CLK4: variants seen among roughly 807,000 people sequenced by gnomAD.
CLK4 encodes the protein CDC like kinase 4.
In CLK4, 37 loss-of-function variants were observed where a neutral mutation model predicts 64.4. The observed-to-expected ratio is 0.57, with a 90% confidence interval of 0.44 to 0.76. CLK4 has a LOEUF of 0.76. Among genes scored for constraint, CLK4 ranks in the 30% least tolerant of loss-of-function variants. The pLI is 0.00. For missense variants in CLK4, 457 were observed against 605.1 expected (o/e 0.76, Z 2.57); for synonymous variants, 175 against 191.6 (o/e 0.91, Z 0.72).
At position 178,627,027 on chromosome 5, in the gene CLK4, C is replaced by A. The variant is rs548487415; in HGVS notation, c.-82G>T. 1 of 152,818 alleles carries A rather than the reference C, an allele frequency of 6.5e-6. No individual in the cohort carries two copies. Among genetic ancestry groups the A allele is most frequent in the Non-Finnish European group, 1.5e-5 (1 of 68,138 alleles). The allele number at this position is 152,818 out of a possible 1,614,324, so 9.5% of individuals were successfully genotyped here. A position where few individuals can be genotyped will look rare whatever the true frequency, so the allele number is the denominator to read the frequency against. ...CTCCTCGGCCGCTGCGACAAACACC[C>A]CACAAAATGGCGGCAGCGCCGTCGC... On this transcript the variant is annotated 5_prime_UTR_variant, in exon 1 of 13. Coordinates refer to ENST00000316308, the MANE Select transcript of CLK4 (RefSeq NM_020666.3).
At chr5:178,603,781 T>A (rs1764419760) in intron 12 of CLK4, 24 bp from the exon 13 acceptor site, 2 of 1,577,724 alleles carry the variant, frequency 1.3e-6, no homozygotes, top group East Asian at 4.5e-5. Flanking sequence ...GTTTTTGTTT[T>A]AAAAAAAATT....
At chr5:178,608,842 GCA>G (rs1309123770) in intron 9 of CLK4, among the ~76,000 whole-genome samples, 4 of 152,098 alleles carry the variant, frequency 2.6e-5, no homozygotes, top group Admixed American at 2.6e-4. Context: ...TATTTTATTA[GCA>G]CAAATACAGG....
In CLK4 at chr5:178,613,624, C is replaced by G. The variant is rs766575842; in HGVS notation, c.675G>C (p.Met225Ile). The G allele has an allele frequency of 6.2e-7, 1 of 1,609,260 alleles. No homozygotes were observed. The highest frequency in any genetic ancestry group is 1.3e-5 in the African/African-American group (1 of 74,774). ...DPNSVFRCVQ[M>I]LEWFDHHGHV... ...GACCATGATGATCAAACCATTCTAGCATCTGGACACATCGGCTAAAACAGA... is the reference window on the plus strand; with the variant it reads ...GACCATGATGATCAAACCATTCTAGGATCTGGACACATCGGCTAAAACAGA... Residue 225 changes from methionine to isoleucine, a missense_variant, in exon 7 of 13, where the codon ATG (methionine) becomes ATC (isoleucine). Met to Ile is a conservative substitution (Grantham distance 10). Transcript: ENST00000316308.
At chr5:178,616,300 G>A (rs967884970) in intron 5 of CLK4, among the ~76,000 whole-genome samples, 5 of 152,072 alleles carry the variant, frequency 3.3e-5, no homozygotes, top group African/African-American at 1.2e-4. Flanking sequence ...ATTTCTCCAT[G>A]TTGGTCAGGC....
intron 5 of CLK4, among the ~76,000 whole-genome samples, chr5:178,616,568 G>C (rs1221384458): frequency 6.6e-6 from 1 of 152,092 alleles, no homozygotes; most frequent in East Asian, 1.9e-4. Context: ...AACTGAGGCG[G>C]GTAGATCACT....
chr5:178,623,317 GAGATCT>G lies in CLK4; in HGVS notation c.94_99del (p.Arg32_Ser33del). ...TGCCTGTTCTCTTGTGTGCTACTAT[GAGATCT>G]CCTCTTCCGCTTGTGACTTCCACGA... On this transcript the variant is annotated inframe_deletion, in exon 2 of 13. Coordinates refer to ENST00000316308, the MANE Select transcript of CLK4 (RefSeq NM_020666.3). The G allele has an allele frequency of 6.2e-7, 1 of 1,613,984 alleles. No individual in the cohort carries two copies. Among genetic ancestry groups the G allele is most frequent in the Non-Finnish European group, 8.5e-7 (1 of 1,179,926 alleles).
intron 5 of CLK4, among the ~76,000 whole-genome samples, chr5:178,615,526 T>C (rs1581708418): frequency 6.6e-6 from 1 of 152,214 alleles, no homozygotes; most frequent in African/African-American, 2.4e-5. Context: ...TTTAGGATAG[T>C]ATTTATGGAA....
chr5:178,618,536 G>A lies in CLK4; in HGVS notation c.384+20C>T, dbSNP rs1243824281. On this transcript the variant is annotated intron_variant, in intron 3 of 12. Transcript: ENST00000316308. ...ACACAAATAAAACTCCACTCAAATT[G>A]AAAACAAAACCAATCATACCGAACG... 7.0e-6 allele frequency: 11 copies of A among 1,578,166 alleles called. No homozygotes were observed. Among genetic ancestry groups the A allele is most frequent in the Non-Finnish European group, 9.5e-6 (11 of 1,154,516 alleles).
chr5:178,625,173 A>G (rs1187495518), intron 1 of CLK4, among the ~76,000 whole-genome samples: 1 of 152,198 alleles, frequency 6.6e-6, no homozygotes, highest in Non-Finnish European at 1.5e-5. Flanking sequence ...TCTTCATTAG[A>G]GCTATCAAGA....
intron 1 of CLK4, among the ~76,000 whole-genome samples, chr5:178,624,488 A>G (rs970584101): frequency 2.6e-5 from 4 of 152,182 alleles, no homozygotes; most frequent in African/African-American, 7.2e-5. Context: ...AAAGCAAACG[A>G]TAACGGTGAC....
chr5:178,609,363 T>C (rs1235225848), intron 9 of CLK4, among the ~76,000 whole-genome samples: 1 of 152,192 alleles, frequency 6.6e-6, no homozygotes, highest in Non-Finnish European at 1.5e-5. Context: ...TCCGCTCCAG[T>C]GTCTGTCATT....
At position 178,624,797 on chromosome 5, in the gene CLK4, A is replaced by G. The variant is rs537414752; in HGVS notation, c.1-1381T>C. ...AGCAAACAAATGCAAGCAGAAATTT[A>G]AATGATTTTAAATGGATTAAAGGTT... On this transcript the variant is annotated intron_variant, in intron 1 of 12. Coordinates refer to ENST00000316308, the MANE Select transcript of CLK4 (RefSeq NM_020666.3). Among the ~76,000 whole-genome samples, 4 of 152,336 alleles carry G rather than the reference A, an allele frequency of 2.6e-5. No individual in the cohort carries two copies. The South Asian group carries it at 6.2e-4, about 24-fold the overall frequency.
intron 9 of CLK4, among the ~76,000 whole-genome samples, chr5:178,609,886 G>A (rs1462508713): frequency 6.6e-6 from 1 of 151,382 alleles, no homozygotes; most frequent in Admixed American, 6.6e-5. Flanking sequence ...TCCAGGCCAG[G>A]CAACAGAGTG....
Position 178,602,939 on chromosome 5 carries a change from A to G in CLK4, c.*678T>C, listed in dbSNP as rs1764407488. On this transcript the variant is annotated 3_prime_UTR_variant, in exon 13 of 13. Coordinates refer to ENST00000316308, the MANE Select transcript of CLK4 (RefSeq NM_020666.3). ...TTTATATCTGTGACTCACCAAACAT[A>G]CTTGGAAATGTCCATTTTCCAAGCT... is the stretch of plus-strand genomic sequence containing the variant. 6.6e-6 allele frequency: 1 copy of G among 152,212 alleles called. No individual in the cohort carries two copies. Among genetic ancestry groups the G allele is most frequent in the Non-Finnish European group, 1.5e-5 (1 of 68,040 alleles). The allele number at this position is 152,212 out of a possible 1,614,324, so 9.4% of individuals were successfully genotyped here.
At chr5:178,611,714 AAAAAT>A (rs1358052605) in intron 9 of CLK4, among the ~76,000 whole-genome samples, 2 of 152,248 alleles carry the variant, frequency 1.3e-5, no homozygotes, top group East Asian at 3.8e-4. Flanking sequence ...ACGATTCCAC[AAAAAT>A]GCTTTACAAT....
At position 178,618,625 on chromosome 5, in the gene CLK4, T is replaced by C. The variant is rs1450744061; in HGVS notation, c.315A>G (p.Ser105=). Residue 105 remains serine, a synonymous_variant, in exon 3 of 13, where the codon TCA becomes TCG. Transcript: ENST00000316308. ...SGYRIHCSKS[S]VRSRRSSPKR... is the part of the protein sequence containing the mutation. ...TAGGACTGCTTCTCCTGCTGCGGAC[T>C]GAAGATTTACTGCAGTGGATTCGAT... 1.2e-6 allele frequency: 2 copies of C among 1,614,130 alleles called. No individual in the cohort carries two copies. The highest frequency in any genetic ancestry group is 2.2e-5 in the South Asian group (2 of 91,088).
intron 9 of CLK4, among the ~76,000 whole-genome samples, chr5:178,609,410 C>CG (rs1488001215): frequency 6.6e-6 from 1 of 152,134 alleles, no homozygotes; most frequent in Non-Finnish European, 1.5e-5. Flanking sequence ...GGGCCAGGCG[C>CG]GGTGGCTCAT....
chr5:178,620,987 G>T (rs1222097458), intron 2 of CLK4, among the ~76,000 whole-genome samples: 1 of 152,172 alleles, frequency 6.6e-6, no homozygotes, highest in African/African-American at 2.4e-5. Context: ...GGCACTTTTA[G>T]CCACAATGGC....
rs754949669 is a variant in CLK4, at chr5:178,620,694, A to T, written c.162-1916T>A. The T allele has an allele frequency of 3.7e-4, 142 of 379,484 alleles. 3 individuals carry two copies. In the Middle Eastern group the frequency reaches 0.014, roughly 39 times the overall value. 23.5% of individuals were successfully genotyped at this position (379,484 alleles called of 1,614,324 possible). ...AGGTCCTGTGGGAGATAAAAAAAAA[A>T]TTATATAAGGCAAAGTCCCTGCCAA... On this transcript the variant is annotated intron_variant, in intron 2 of 12. Coordinates refer to ENST00000316308, the MANE Select transcript of CLK4 (RefSeq NM_020666.3).
Sources: allele counts gnomAD v4.1 joint callset (sites outside exome capture counted in the v4.1 genomes callset), GRCh38; gene constraint gnomAD v4.1.1; transcripts MANE v1.5; gene names NCBI Gene and HGNC (gene_info 2026-07-23, HGNC 2026-07-21).